AGBL4: variants seen among roughly 807,000 people sequenced by gnomAD.
AGBL4 encodes AGBL carboxypeptidase 4.
AGBL4 carries 58 observed loss-of-function variants against 66.4 expected under a neutral mutation model. The ratio of observed to expected loss-of-function variants is 0.87; its 90% CI spans 0.71 to 1.09. The LOEUF is 1.09. AGBL4 is among the 50% of genes least tolerant of loss of function. The probability of loss-of-function intolerance (pLI) is 0.00; values close to 1 mark genes in which losing one functional copy is unlikely to be tolerated. For missense variants in AGBL4, 579 were observed against 631.0 expected (o/e 0.92, Z 0.88); for synonymous variants, 234 against 222.9 (o/e 1.05, Z -0.44).
At chr1:49,823,778 A>ATATGTGTGTGTG (rs1553128692) in intron 2 of AGBL4, among the ~76,000 whole-genome samples, 3 of 147,580 alleles carry the variant, frequency 2.0e-5, no homozygotes, top group East Asian at 4.0e-4. Flanking sequence ...AGGCTGCATA[A>ATATGTGTGTGTG]TGTGTGTGTG....
At chr1:49,577,588 C>T (rs1055945261) in intron 3 of AGBL4, among the ~76,000 whole-genome samples, 8 of 152,200 alleles carry the variant, frequency 5.3e-5, no homozygotes, top group Non-Finnish European at 7.3e-5. Flanking sequence ...CTATCCTGCA[C>T]GCAATGCTTC....
chr1:48,577,766 T>C (rs1644677035), intron 11 of AGBL4, among the ~76,000 whole-genome samples: 1 of 151,918 alleles, frequency 6.6e-6, no homozygotes, highest in Admixed American at 6.6e-5. Context: ...TCGGTCAAAC[T>C]AGGGACGCTG....
chr1:49,381,261 G>T (rs1644601436), intron 3 of AGBL4, among the ~76,000 whole-genome samples: 1 of 152,168 alleles, frequency 6.6e-6, no homozygotes, highest in Admixed American at 6.5e-5. Context: ...ACCATCACTG[G>T]CCATCAGAGA....
chr1:49,024,341 A>G lies in AGBL4; in HGVS notation c.594+21243T>C, dbSNP rs370434915. 9.2e-5 allele frequency among the ~76,000 whole-genome samples: 14 copies of G among 152,174 alleles called. No individual in the cohort carries two copies. In the East Asian group the frequency reaches 1.5e-3, roughly 17 times the overall value. On this transcript the variant is annotated intron_variant, in intron 5 of 13. Coordinates refer to ENST00000371839, the MANE Select transcript of AGBL4 (RefSeq NM_032785.4). ...CTTTCCAATCTTTACTCTTTACCAC[A>G]TCTCCAATATGCCATGCTCTCACCC...
chr1:49,571,188 C>G (rs1644322668), intron 3 of AGBL4, among the ~76,000 whole-genome samples: 1 of 151,460 alleles, frequency 6.6e-6, no homozygotes, highest in Admixed American at 6.6e-5. Flanking sequence ...CAGTATAATC[C>G]TTTAACTACA....
intron 1 of AGBL4, among the ~76,000 whole-genome samples, chr1:49,894,815 A>G (rs1181986987): frequency 1.3e-5 from 2 of 152,164 alleles, no homozygotes; most frequent in African/African-American, 4.8e-5. Flanking sequence ...ACTGGCCTTA[A>G]AGGGGAGATG....
chr1:49,843,051 T>C (rs771482996), intron 2 of AGBL4, among the ~76,000 whole-genome samples: 4 of 152,108 alleles, frequency 2.6e-5, no homozygotes, highest in Non-Finnish European at 4.4e-5. Flanking sequence ...CAATTTCCCA[T>C]TGGCATCAGG....
At chr1:49,221,838 T>C (rs558582225) in intron 4 of AGBL4, among the ~76,000 whole-genome samples, 1 of 152,310 alleles carries the variant, frequency 6.6e-6, no homozygotes, top group Non-Finnish European at 1.5e-5. Context: ...TTTTAATTTT[T>C]AGAGACACTG....
At chr1:49,607,154 C>T (rs1404115764) in intron 3 of AGBL4, among the ~76,000 whole-genome samples, 1 of 152,062 alleles carries the variant, frequency 6.6e-6, no homozygotes, top group Admixed American at 6.6e-5. Flanking sequence ...CACTCCCATA[C>T]CCATAAGAAC....
rs369705053 is a variant in AGBL4, at chr1:48,662,435, C to A, written c.724+717G>T. On this transcript the variant is annotated intron_variant, in intron 7 of 13. Transcript: ENST00000371839. ...GTGCCACCTCCCTTGAGTTATAGAACCTACACAGGCGTTTCATATCTCTTT... is the reference window on the plus strand; with the variant it reads ...GTGCCACCTCCCTTGAGTTATAGAAACTACACAGGCGTTTCATATCTCTTT... Among the ~76,000 whole-genome samples, 31 of 152,124 alleles carry A rather than the reference C, an allele frequency of 2.0e-4. No individual in the cohort carries two copies. In the East Asian group the frequency reaches 5.6e-3, roughly 28 times the overall value.
At chr1:48,840,939 T>A (rs1157498653) in intron 6 of AGBL4, among the ~76,000 whole-genome samples, 1 of 144,718 alleles carries the variant, frequency 6.9e-6, no homozygotes, top group East Asian at 2.4e-4. Context: ...TTGTAAGCAA[T>A]GAAAAGGCAT....
intron 2 of AGBL4, among the ~76,000 whole-genome samples, chr1:49,720,337 T>C (rs1303002864): frequency 6.6e-6 from 1 of 152,114 alleles, no homozygotes; most frequent in Admixed American, 6.6e-5. Flanking sequence ...TTCAAAATCT[T>C]TTTAAAAATC....
intron 1 of AGBL4, among the ~76,000 whole-genome samples, chr1:49,853,732 T>C (rs1435912272): frequency 6.6e-6 from 1 of 152,078 alleles, no homozygotes; most frequent in Non-Finnish European, 1.5e-5. Flanking sequence ...AAAATACATA[T>C]TTCTCTTTGA....
At chr1:48,663,373 A>T in intron 6 of AGBL4, 132 bp from the exon 7 acceptor site, 1 of 779,042 alleles carries the variant, frequency 1.3e-6, no homozygotes, top group South Asian at 1.6e-5. Context: ...ACTGGGTTAG[A>T]ATCATTAAGG....
At chr1:48,992,839 T>C (rs1031028172) in intron 5 of AGBL4, among the ~76,000 whole-genome samples, 1 of 151,920 alleles carries the variant, frequency 6.6e-6, no homozygotes, top group Non-Finnish European at 1.5e-5. Flanking sequence ...AGTCAGCTTG[T>C]AGTGAATCTG....
intron 1 of AGBL4, among the ~76,000 whole-genome samples, chr1:49,955,112 G>T (rs189349673): frequency 6.6e-6 from 1 of 151,658 alleles, no homozygotes; most frequent in Non-Finnish European, 1.5e-5. Context: ...GTTGTGACTC[G>T]CTTACAGACA....
chr1:49,118,486 G>C (rs557762845), intron 4 of AGBL4, among the ~76,000 whole-genome samples: 24 of 149,152 alleles, frequency 1.6e-4, no homozygotes, highest in African/African-American at 5.3e-4. Flanking sequence ...ATGTGTTTAT[G>C]TGATCGATTA....
At chr1:48,866,070 A>T (rs1370860054) in intron 6 of AGBL4, among the ~76,000 whole-genome samples, 1 of 152,180 alleles carries the variant, frequency 6.6e-6, no homozygotes, top group Non-Finnish European at 1.5e-5. Flanking sequence ...CAGGTATAGA[A>T]CTATAGTAAG....
intron 3 of AGBL4, among the ~76,000 whole-genome samples, chr1:49,561,642 A>G (rs1466341201): frequency 6.6e-6 from 1 of 151,926 alleles, no homozygotes. Context: ...TGAACTCATC[A>G]TTTTTTATGG....
Sources: allele counts gnomAD v4.1 joint callset (sites outside exome capture counted in the v4.1 genomes callset), GRCh38; gene constraint gnomAD v4.1.1; transcripts MANE v1.5; gene names NCBI Gene and HGNC (gene_info 2026-07-23, HGNC 2026-07-21).